The following CAPN5 variants were observed in gnomAD, a reference collection of about 807,000 sequenced individuals.
CAPN5 encodes the protein calpain-5.
CAPN5 carries 54 observed loss-of-function variants against 73.0 expected under a neutral mutation model. The ratio of observed to expected loss-of-function variants is 0.74; its 90% CI spans 0.59 to 0.93. The LOEUF is 0.93. CAPN5 is among the 40% of genes least tolerant of loss of function. The pLI, the probability that CAPN5 is intolerant of heterozygous loss-of-function variation, is 0.00. For synonymous variants in CAPN5, 335 were observed against 356.9 expected (o/e 0.94, Z 0.69); for missense variants, 785 against 882.9 (o/e 0.89, Z 1.41).
At chr11:77,089,135 G>A (rs1555036086) in intron 2 of CAPN5, among the ~76,000 whole-genome samples, 1 of 152,184 alleles carries the variant, frequency 6.6e-6, no homozygotes, top group East Asian at 1.9e-4. Context: ...TGGTGGTGGG[G>A]ACCCTAAGGA....
chr11:77,081,674 C>A (rs542182500), intron 1 of CAPN5, among the ~76,000 whole-genome samples: 2 of 152,150 alleles, frequency 1.3e-5, no homozygotes, highest in South Asian at 4.1e-4. Context: ...CTCAGGACAG[C>A]GGGGGCCTGG....
At chr11:77,099,441 T>C (rs1330922257) in intron 3 of CAPN5, among the ~76,000 whole-genome samples, 4 of 144,436 alleles carry the variant, frequency 2.8e-5, no homozygotes, top group African/African-American at 7.8e-5. Context: ...CTGGGCACCA[T>C]TGAGCACTGA....
Position 77,093,695 on chromosome 11 carries a change from A to G in CAPN5, c.179A>G (p.Asp60Gly), listed in dbSNP as rs879952685. ...RWKRPKGICE[D>G]PRLFVDGISS... ...CCTTCTCCGCAGGGCATCTGCGAGG[A>G]CCCCCGCCTCTTTGTGGATGGCATC... The change falls in exon 3 of 13, where the codon GAC (aspartate) becomes GGC (glycine). Residue 60 changes from aspartate (D) to glycine (G), a missense_variant. Asp to Gly is a moderately conservative substitution (Grantham distance 94, BLOSUM62 -1). Coordinates refer to ENST00000648180, the MANE Select transcript of CAPN5 (RefSeq NM_004055.5). 7.5e-6 allele frequency: 12 copies of G among 1,592,028 alleles called. No homozygotes were observed. The African/African-American group carries it at 9.4e-5, about 12-fold the overall frequency.
intron 6 of CAPN5, 136 bp from the exon 7 acceptor site, chr11:77,116,090 G>A: frequency 1.3e-6 from 1 of 752,522 alleles, no homozygotes; most frequent in Non-Finnish European, 2.2e-6. Context: ...CATGGCCTCA[G>A]TGCCCCTGGC....
chr11:77,077,563 CTT>C (rs1161384108), intron 1 of CAPN5, among the ~76,000 whole-genome samples: 6 of 150,414 alleles, frequency 4.0e-5, no homozygotes, highest in African/African-American at 1.5e-4. Flanking sequence ...GAGTTTCGCT[CTT>C]GTCTCCCAGG....
chr11:77,082,116 G>A (rs1301311568), intron 1 of CAPN5, among the ~76,000 whole-genome samples: 2 of 152,040 alleles, frequency 1.3e-5, no homozygotes, highest in African/African-American at 4.8e-5. Flanking sequence ...AACAGGTGCT[G>A]TCCCAGGGGC....
chr11:77,121,672 G>T (rs1237348338), intron 10 of CAPN5, among the ~76,000 whole-genome samples: 1 of 152,248 alleles, frequency 6.6e-6, no homozygotes, highest in Admixed American at 6.5e-5. Flanking sequence ...AACGCCAGCA[G>T]GGGGCTTGGC....
intron 1 of CAPN5, among the ~76,000 whole-genome samples, chr11:77,073,403 T>G (rs1949931930): frequency 6.6e-6 from 1 of 151,892 alleles, no homozygotes; most frequent in Non-Finnish European, 1.5e-5. Context: ...CAACAGCGGC[T>G]CCTGCTGTCC....
intron 1 of CAPN5, among the ~76,000 whole-genome samples, chr11:77,083,897 G>C (rs1481993450): frequency 6.6e-6 from 1 of 152,204 alleles, no homozygotes; most frequent in Non-Finnish European, 1.5e-5. Context: ...GCCTTGCCTT[G>C]GTTTCCCTCA....
rs1591110271 is a variant in CAPN5 at position 77,076,269 on chromosome 11, C to T, written c.-35-8583C>T. ...CCCAGGGAGGCTGAGGCAGGAGAATCGCTTGAATCCATTAGACGGAGGTTG... is the reference window on the plus strand; with the variant it reads ...CCCAGGGAGGCTGAGGCAGGAGAATTGCTTGAATCCATTAGACGGAGGTTG... On this transcript the variant is annotated intron_variant, in intron 1 of 12. Coordinates refer to ENST00000648180, the MANE Select transcript of CAPN5 (RefSeq NM_004055.5). Among the ~76,000 whole-genome samples, 4 of 152,164 alleles carry T rather than the reference C, an allele frequency of 2.6e-5. No individual in the cohort carries two copies. In the South Asian group the frequency reaches 8.3e-4, roughly 32 times the overall value.
intron 1 of CAPN5, among the ~76,000 whole-genome samples, chr11:77,068,652 A>C (rs553731467): frequency 9.8e-5 from 15 of 152,286 alleles, no homozygotes; most frequent in African/African-American, 3.6e-4. Context: ...ACTGAGGGCT[A>C]TAAGGAGGAG....
intron 3 of CAPN5, among the ~76,000 whole-genome samples, chr11:77,095,340 C>CA (rs1236910987): frequency 6.6e-5 from 10 of 152,180 alleles, no homozygotes. Flanking sequence ...CCCACCCCCC[C>CA]ACTAGATGAG....
At position 77,118,141 on chromosome 11, in the gene CAPN5, C is replaced by G; in HGVS notation, c.972-16C>G. On this transcript the variant is annotated splice_polypyrimidine_tract_variant and intron_variant, in intron 7 of 12. Coordinates refer to ENST00000648180, the MANE Select transcript of CAPN5 (RefSeq NM_004055.5). ...GTGTGGGGGAGGTACCCTGCTCAGC[C>G]CCTCCCCACATCCAGGATGACCTTC... 3.7e-6 allele frequency: 6 copies of G among 1,603,570 alleles called. No homozygotes were observed. The highest frequency in any genetic ancestry group is 5.1e-6 in the Non-Finnish European group (6 of 1,173,482).
At chr11:77,105,714 C>T (rs1369065580) in intron 3 of CAPN5, among the ~76,000 whole-genome samples, 1 of 152,222 alleles carries the variant, frequency 6.6e-6, no homozygotes, top group East Asian at 1.9e-4. Flanking sequence ...AAGGTCCTTC[C>T]AGCCCCACCC....
At chr11:77,107,565 A>G (rs1416724924) in intron 3 of CAPN5, among the ~76,000 whole-genome samples, 1 of 151,834 alleles carries the variant, frequency 6.6e-6, no homozygotes, top group Non-Finnish European at 1.5e-5. Context: ...CTACCCGGGG[A>G]AGATTTAAGA....
intron 1 of CAPN5, 95 bp from the exon 2 acceptor site, chr11:77,084,757 G>T: frequency 8.9e-7 from 1 of 1,126,968 alleles, no homozygotes; most frequent in Non-Finnish European, 1.3e-6. Context: ...TGAGCCTTCC[G>T]TGCCTGTGCC....
chr11:77,084,310 C>T (rs782788474), intron 1 of CAPN5, among the ~76,000 whole-genome samples: 8 of 152,164 alleles, frequency 5.3e-5, no homozygotes, highest in East Asian at 3.9e-4. Flanking sequence ...GAATTAGAGA[C>T]GCCTATTCCC....
intron 4 of CAPN5, 87 bp downstream of exon 4, chr11:77,112,884 C>A (rs190787631): frequency 1.6e-6 from 2 of 1,284,350 alleles, no homozygotes; most frequent in East Asian, 2.4e-5. Flanking sequence ...TTAGCCAGGG[C>A]TTTAGGCACA....
At position 77,124,750 on chromosome 11, in the gene CAPN5, T is replaced by TGCTCCCAGAG. The variant is rs1371033324; in HGVS notation, c.*881_*890dup. On this transcript the variant is annotated 3_prime_UTR_variant, in exon 13 of 13. Transcript: ENST00000648180. ...CCTTTGGGGACCAGAAGGGGAGATG[T>TGCTCCCAGAG]GCTCCCAGAGCCTCTCTGCTGTAAG... 1 of 152,324 alleles carries TGCTCCCAGAG rather than the reference T, an allele frequency of 6.6e-6. No individual in the cohort carries two copies. The highest frequency in any genetic ancestry group is 1.5e-5 in the Non-Finnish European group (1 of 68,150). The allele number at this position is 152,324 out of a possible 1,614,324, so 9.4% of individuals were successfully genotyped here.
Sources: gnomAD v4.1 joint callset for allele counts (sites outside exome capture counted in the v4.1 genomes callset) on GRCh38, gnomAD v4.1.1 for gene constraint, MANE v1.5 for transcripts, NCBI Gene and HGNC (gene_info 2026-07-23, HGNC 2026-07-21) for gene names.